Variants in PRODH2 observed in about 807,000 individuals in gnomAD.
PRODH2 encodes hydroxyproline dehydrogenase.
In PRODH2, 49 loss-of-function variants were observed where a neutral mutation model predicts 51.9. The ratio of observed to expected loss-of-function variants is 0.94; its 90% confidence interval spans 0.75 to 1.20. The LOEUF (loss-of-function observed/expected upper bound fraction) is 1.20, where lower values mean the gene tolerates loss of function less well. PRODH2 is among the 50% of genes most tolerant of loss of function. The pLI is 0.00. For synonymous variants in PRODH2, 249 were observed against 260.7 expected, an observed-to-expected ratio of 0.96 and a Z score of 0.43; for missense variants, 597 against 610.9, an observed-to-expected ratio of 0.98 and a Z score of 0.24.
At chr19:35,809,129 TTTCCTTCCTTCC>T (rs560796265) in intron 4 of PRODH2, among the ~76,000 whole-genome samples, 6 of 150,084 alleles carry the variant, frequency 4.0e-5, no homozygotes, top group African/African-American at 1.5e-4. Context: ...CCTTCCTTCC[TTTCCTTCCTTCC>T]TTCCTTCCTC....
Position 35,800,090 on chromosome 19 carries a change from C to T in PRODH2, c.1331G>A (p.Ser444Asn), listed in dbSNP as rs1223919581. Residue 444 changes from serine to asparagine, a missense_variant, in exon 10 of 10, where the codon AGC (serine) becomes AAC (asparagine). Transcript: ENST00000653904. Reference sequence around the variant, plus strand: ...CAGCAGCCGCCGCCACAGTTCTTGGCTGAGCAGCTCCTGTTCCCTGCGGGC... The same window carrying T: ...CAGCAGCCGCCGCCACAGTTCTTGGTTGAGCAGCTCCTGTTCCCTGCGGGC... Reference protein sequence around the residue: ...QGARREQELLSQELWRRLLPG... With the variant: ...QGARREQELLNQELWRRLLPG... 1.2e-6 allele frequency: 2 copies of T among 1,612,040 alleles called. No homozygotes were observed. The highest frequency in any genetic ancestry group is 2.2e-5 in the East Asian group (1 of 44,880).
In PRODH2 at chr19:35,800,094, G is replaced by T; in HGVS notation, c.1327C>A (p.Leu443Ile). ...LQGARREQEL[L>I]SQELWRRLLP... ...AGCCGCCGCCACAGTTCTTGGCTGAGCAGCTCCTGTTCCCTGCGGGCACCC... is the reference window on the plus strand; with the variant it reads ...AGCCGCCGCCACAGTTCTTGGCTGATCAGCTCCTGTTCCCTGCGGGCACCC... The change falls in exon 10 of 10, where the codon CTC becomes ATC. Residue 443 changes from leucine to isoleucine, a missense_variant. Transcript: ENST00000653904. 1 of 1,612,024 alleles carries T rather than the reference G, an allele frequency of 6.2e-7. No individual in the cohort carries two copies. Among genetic ancestry groups the T allele is most frequent in the South Asian group, 1.1e-5 (1 of 90,524 alleles).
chr19:35,806,955 G>A, intron 5 of PRODH2, 86 bp downstream of exon 5: 4 of 1,542,342 alleles, frequency 2.6e-6, no homozygotes, highest in Non-Finnish European at 3.5e-6. Context: ...CGGAGGTGCT[G>A]GTTCCAGCAG....
chr19:35,803,530 C>T (rs928083419), intron 7 of PRODH2, among the ~76,000 whole-genome samples: 3 of 152,240 alleles, frequency 2.0e-5, no homozygotes, highest in African/African-American at 7.2e-5. Flanking sequence ...GCTGGGATTA[C>T]AGGCGTGAGC....
chr19:35,807,078 AG>A lies in PRODH2; in HGVS notation c.640del (p.Leu214SerfsTer31), dbSNP rs755582106. The A allele has an allele frequency of 5.1e-4, 788 of 1,552,442 alleles. 1 individual carries two copies. The highest frequency in any genetic ancestry group is 6.5e-4 in the Non-Finnish European group (748 of 1,147,672). ...SCLNAEQNQH[L>X]RASLSRLHRV... is the part of the protein sequence containing the mutation. ...ATGCAGGCGGCTGAGGGAGGCCCGG[AG>A]GTGCTGGTTCTGCTCAGCATTGAGG... On this transcript the variant is annotated frameshift_variant, in exon 5 of 10. Transcript: ENST00000653904. LOFTEE classifies it high-confidence loss of function.
chr19:35,803,851 T>C (rs140765113), intron 7 of PRODH2, among the ~76,000 whole-genome samples: 1 of 152,276 alleles, frequency 6.6e-6, no homozygotes, highest in East Asian at 1.9e-4. Flanking sequence ...TGGGTACTGA[T>C]ATGGAAGAGG....
Position 35,812,114 on chromosome 19 carries a change from C to T in PRODH2, c.510+20G>A. 6.2e-7 allele frequency: 1 copy of T among 1,613,378 alleles called. No individual in the cohort carries two copies. Among genetic ancestry groups the T allele is most frequent in the Non-Finnish European group, 8.5e-7 (1 of 1,179,472 alleles). The stretch of plus-strand genomic sequence containing the variant: ...TGGGCAGCCGCGCCCTCCCCGCACC[C>T]CCGTCTTTGCACTCCTTACACAGAG... On this transcript the variant is annotated intron_variant, in intron 3 of 9. Coordinates refer to ENST00000653904, the MANE Select transcript of PRODH2 (RefSeq NM_021232.2).
At position 35,807,112 on chromosome 19, in the gene PRODH2, C is replaced by A; in HGVS notation, c.607G>T (p.Val203Phe). 2 of 1,551,934 alleles carry A rather than the reference C, an allele frequency of 1.3e-6. No homozygotes were observed. Among genetic ancestry groups the A allele is most frequent in the Non-Finnish European group, 8.7e-7 (1 of 1,146,928 alleles). ...TTCTGCTCAGCATTGAGGCAGGAGA[C>A]CTGGAGGTTCTAGGGGGCAGCAGGG... Reference protein sequence around the residue: ...EAMDSGQNLQVSCLNAEQNQH... With the variant: ...EAMDSGQNLQFSCLNAEQNQH... The change falls in exon 5 of 10, where the codon GTC (valine) becomes TTC (phenylalanine). Residue 203 changes from valine to phenylalanine, a missense_variant. Transcript: ENST00000653904.
chr19:35,808,123 C>A (rs1198798472), intron 4 of PRODH2, among the ~76,000 whole-genome samples: 1 of 152,236 alleles, frequency 6.6e-6, no homozygotes, highest in African/African-American at 2.4e-5. Flanking sequence ...ATTTTGCCTT[C>A]ATGCTTCCTC....
intron 4 of PRODH2, among the ~76,000 whole-genome samples, chr19:35,808,903 C>G (rs1333044403): frequency 6.6e-6 from 1 of 150,812 alleles, no homozygotes; most frequent in Non-Finnish European, 1.5e-5. Context: ...CCTCAGCCTC[C>G]TGATTAACTG....
chr19:35,810,284 TA>T (rs1281491903), intron 4 of PRODH2, among the ~76,000 whole-genome samples: 1 of 144,090 alleles, frequency 6.9e-6, no homozygotes, highest in African/African-American at 2.6e-5. Flanking sequence ...ATAATAATAA[TA>T]ATAATAAATA....
chr19:35,811,448 G>A lies in PRODH2; in HGVS notation c.597+514C>T, dbSNP rs1475406332. ...GGAAGGAAGGAAGGAATAAAGGAAG[G>A]AAGGAAGGAAGGGAGGGAGGGAGGG... On this transcript the variant is annotated intron_variant, in intron 4 of 9. Transcript: ENST00000653904. 7.4e-5 allele frequency among the ~76,000 whole-genome samples: 7 copies of A among 94,300 alleles called. No individual in the cohort carries two copies. In the East Asian group the frequency reaches 2.6e-3, roughly 35 times the overall value. 61.9% of individuals were successfully genotyped at this position (94,300 alleles called of 152,430 possible).
Position 35,802,199 on chromosome 19 carries a change from A to G in PRODH2, c.1190T>C (p.Leu397Pro). ...GGGAGCCATTCACATACCCAGTGCT[A>G]GAGAGACGTGGTCACACATGCCCAG... ...QLLGMCDHVSLALGQAGYVVY... is the reference protein window; with the variant it reads ...QLLGMCDHVSPALGQAGYVVY... The change falls in exon 9 of 10, where the codon CTA becomes CCA. Residue 397 changes from leucine (L) to proline (P), a missense_variant. Coordinates refer to ENST00000653904, the MANE Select transcript of PRODH2 (RefSeq NM_021232.2). 1.9e-6 allele frequency: 3 copies of G among 1,614,012 alleles called. No homozygotes were observed. The highest frequency in any genetic ancestry group is 2.2e-5 in the South Asian group (2 of 91,088).
intron 4 of PRODH2, among the ~76,000 whole-genome samples, chr19:35,809,107 TCTTC>T (rs3030903): frequency 0.011 from 1,648 of 149,912 alleles, 30 homozygotes; most frequent in African/African-American, 0.036. Flanking sequence ...TTTATTTCTT[TCTTC>T]CTTCCTTCCT....
intron 4 of PRODH2, among the ~76,000 whole-genome samples, chr19:35,809,769 G>A (rs928019096): frequency 1.3e-5 from 2 of 149,444 alleles, no homozygotes; most frequent in African/African-American, 5.1e-5. Flanking sequence ...GACTAGCCTG[G>A]CCAACATAGT....
chr19:35,802,947 G>T, intron 8 of PRODH2, 21 bp downstream of exon 8: 1 of 1,497,368 alleles, frequency 6.7e-7, no homozygotes, highest in South Asian at 1.3e-5. Flanking sequence ...CCTATTTCCC[G>T]CCCATCCCTC....
intron 9 of PRODH2, 51 bp downstream of exon 9, chr19:35,802,140 G>C (rs757469837): frequency 1.3e-6 from 2 of 1,542,560 alleles, no homozygotes; most frequent in Non-Finnish European, 9.0e-7. Flanking sequence ...GCTCTGGCTG[G>C]GAGGGAGTAA....
At chr19:35,804,560 G>A (rs139013268) in intron 7 of PRODH2, among the ~76,000 whole-genome samples, 1 of 152,344 alleles carries the variant, frequency 6.6e-6, no homozygotes, top group East Asian at 1.9e-4. Flanking sequence ...CACAGCTAGA[G>A]GTGGCCAGGC....
At chr19:35,803,488 C>T (rs1345586665) in intron 7 of PRODH2, among the ~76,000 whole-genome samples, 2 of 152,172 alleles carry the variant, frequency 1.3e-5, no homozygotes, top group East Asian at 3.9e-4. Flanking sequence ...CTCCTGACCT[C>T]AGGTGATCTG....
Sources: allele counts gnomAD v4.1 joint callset (sites outside exome capture counted in the v4.1 genomes callset), GRCh38; gene constraint gnomAD v4.1.1; transcripts MANE v1.5; gene names NCBI Gene and HGNC (gene_info 2026-07-23, HGNC 2026-07-21).